Variants in RALYL observed in about 807,000 individuals in gnomAD.
RALYL encodes RNA-binding Raly-like protein.
In RALYL, 29 loss-of-function variants were observed where a neutral mutation model predicts 35.1. That is an observed-to-expected ratio of 0.83 (90% CI 0.61 to 1.13). The LOEUF is 1.13. Among genes scored for constraint, RALYL ranks in the 50% most tolerant of loss-of-function variants. The pLI, the probability that RALYL is intolerant of heterozygous loss-of-function variation, is 0.00. For missense variants in RALYL, 359 were observed against 360.4 expected (o/e 1.00, Z 0.03); for synonymous variants, 120 against 127.6 (o/e 0.94, Z 0.40).
intron 1 of RALYL, among the ~76,000 whole-genome samples, chr8:84,468,325 G>T (rs1279697772): frequency 7.2e-5 from 11 of 152,042 alleles, no homozygotes; most frequent in Admixed American, 3.9e-4. Context: ...AGGAGCTCTT[G>T]TAAGGCAGGC....
At chr8:84,570,499 C>G (rs1474001382) in intron 2 of RALYL, among the ~76,000 whole-genome samples, 1 of 151,754 alleles carries the variant, frequency 6.6e-6, no homozygotes, top group Non-Finnish European at 1.5e-5. Flanking sequence ...TTAGGGTTGT[C>G]TAGGTATACA....
intron 1 of RALYL, among the ~76,000 whole-genome samples, chr8:84,418,089 C>G (rs1018278974): frequency 6.6e-6 from 1 of 152,102 alleles, no homozygotes; most frequent in East Asian, 1.9e-4. Flanking sequence ...TAATTGACCT[C>G]TTTATATTCT....
At chr8:84,648,088 G>A (rs952087734) in intron 2 of RALYL, among the ~76,000 whole-genome samples, 1 of 152,052 alleles carries the variant, frequency 6.6e-6, no homozygotes, top group African/African-American at 2.4e-5. Context: ...CCAGCAGAGT[G>A]TAAATGCTTG....
chr8:84,394,193 T>C (rs989767404), intron 1 of RALYL, among the ~76,000 whole-genome samples: 11 of 152,108 alleles, frequency 7.2e-5, no homozygotes, highest in Non-Finnish European at 1.5e-4. Context: ...CATTATAACA[T>C]AATGAATCTG....
chr8:84,230,628 G>A (rs544437187), intron 1 of RALYL, among the ~76,000 whole-genome samples: 1 of 152,034 alleles, frequency 6.6e-6, no homozygotes, highest in Admixed American at 6.5e-5. Context: ...TAAGTTTTTC[G>A]ACTTTCATAC....
chr8:84,444,508 T>A, intron 1 of RALYL, among the ~76,000 whole-genome samples: 1 of 151,384 alleles, frequency 6.6e-6, no homozygotes, highest in East Asian at 2.0e-4. Flanking sequence ...ACCAGCAGAG[T>A]TTTCAGCAGG....
chr8:84,468,682 C>T (rs200823477), intron 1 of RALYL, among the ~76,000 whole-genome samples: 11 of 149,368 alleles, frequency 7.4e-5, no homozygotes, highest in South Asian at 4.4e-4. Context: ...TGAATCTGAA[C>T]GTTGGCCTGC....
At chr8:84,542,152 T>C (rs2060060180) in intron 2 of RALYL, among the ~76,000 whole-genome samples, 1 of 152,128 alleles carries the variant, frequency 6.6e-6, no homozygotes, top group East Asian at 1.9e-4. Flanking sequence ...TGTTTTGCCG[T>C]TTCCACTCTG....
intron 1 of RALYL, among the ~76,000 whole-genome samples, chr8:84,435,559 A>G (rs1316969479): frequency 3.3e-5 from 5 of 152,182 alleles, no homozygotes; most frequent in African/African-American, 4.8e-5. Flanking sequence ...TAAGTCGGTG[A>G]TGTTCCACAA....
intron 3 of RALYL, among the ~76,000 whole-genome samples, chr8:84,794,526 G>T (rs1031740493): frequency 6.6e-6 from 1 of 152,162 alleles, no homozygotes; most frequent in Non-Finnish European, 1.5e-5. Context: ...AGCAAATCTT[G>T]CTACATGAAA....
intron 2 of RALYL, among the ~76,000 whole-genome samples, chr8:84,571,790 G>A (rs1808061806): frequency 6.6e-6 from 1 of 151,646 alleles, no homozygotes; most frequent in African/African-American, 2.4e-5. Context: ...TTTTATTCCA[G>A]AGGTTTTTGT....
At chr8:84,906,054 TC>T (rs1846438465) in intron 8 of RALYL, among the ~76,000 whole-genome samples, 2 of 151,860 alleles carry the variant, frequency 1.3e-5, no homozygotes, top group South Asian at 4.2e-4. Context: ...ACAAGCCAAT[TC>T]CCCTACATTG....
At chr8:84,366,476 A>G (rs977169595) in intron 1 of RALYL, among the ~76,000 whole-genome samples, 3 of 152,064 alleles carry the variant, frequency 2.0e-5, no homozygotes, top group African/African-American at 7.2e-5. Flanking sequence ...ATGGAAAAGG[A>G]TGTTTAAAAG....
At chr8:84,488,884 T>C (rs895305468) in intron 1 of RALYL, among the ~76,000 whole-genome samples, 2 of 152,050 alleles carry the variant, frequency 1.3e-5, no homozygotes, top group African/African-American at 4.8e-5. Context: ...ACAAATAGCA[T>C]GTGTGTTTTA....
chr8:84,383,572 G>T (rs559968975), intron 1 of RALYL, among the ~76,000 whole-genome samples: 1 of 151,648 alleles, frequency 6.6e-6, no homozygotes, highest in South Asian at 2.1e-4. Context: ...TTTTACTCCA[G>T]AGAGTTAAAA....
At chr8:84,364,327 G>A (rs996298989) in intron 1 of RALYL, among the ~76,000 whole-genome samples, 1 of 151,976 alleles carries the variant, frequency 6.6e-6, no homozygotes, top group South Asian at 2.1e-4. Context: ...TACTGTGACC[G>A]GCAAATGGTG....
chr8:84,240,684 T>C (rs181087668), intron 1 of RALYL, among the ~76,000 whole-genome samples: 1 of 152,320 alleles, frequency 6.6e-6, no homozygotes, highest in African/African-American at 2.4e-5. Flanking sequence ...GAATTAGGCA[T>C]TTCTAAGAAC....
intron 1 of RALYL, among the ~76,000 whole-genome samples, chr8:84,195,426 G>A (rs1815040419): frequency 6.6e-6 from 1 of 152,138 alleles, no homozygotes; most frequent in Middle Eastern, 3.4e-3. Flanking sequence ...GCGACAGAGC[G>A]AGACTCCATC....
rs1368503937 is a variant in RALYL at position 84,238,008 on chromosome 8, C to G, written c.-24+53584C>G. 1.2e-4 allele frequency among the ~76,000 whole-genome samples: 12 copies of G among 98,498 alleles called. 1 individual carries two copies. Among genetic ancestry groups the G allele is most frequent in the Admixed American group, 7.3e-4 (6 of 8,222 alleles). 64.6% of individuals were successfully genotyped at this position (98,498 alleles called of 152,430 possible). ...AGAAGAAAAAAGTGCAAAAACAAAACAAAAGAAAAAAAACACTAAAAAATT... is the reference window on the plus strand; with the variant it reads ...AGAAGAAAAAAGTGCAAAAACAAAAGAAAAGAAAAAAAACACTAAAAAATT... On this transcript the variant is annotated intron_variant, in intron 1 of 8. Coordinates refer to ENST00000521268, the MANE Select transcript of RALYL (RefSeq NM_173848.7).
Sources: gnomAD v4.1 joint callset for allele counts (sites outside exome capture counted in the v4.1 genomes callset) on GRCh38, gnomAD v4.1.1 for gene constraint, MANE v1.5 for transcripts, NCBI Gene and HGNC (gene_info 2026-07-23, HGNC 2026-07-21) for gene names.